Variants in MFHAS1 observed in about 807,000 individuals in gnomAD.
MFHAS1 encodes the protein malignant fibrous histiocytoma-amplified sequence 1.
A neutral mutation model predicts 70.4 loss-of-function variants in MFHAS1; 50 were observed. That is an observed-to-expected ratio of 0.71 (90% CI 0.57 to 0.90). The LOEUF (loss-of-function observed/expected upper bound fraction) is 0.90, where lower values mean the gene tolerates loss of function less well. Among genes scored for constraint, MFHAS1 ranks in the 40% least tolerant of loss-of-function variants. The pLI is 0.00. For synonymous variants in MFHAS1, 952 were observed against 620.0 expected (o/e 1.54, Z -7.96); for missense variants, 1,795 against 1,347.6 (o/e 1.33, Z -5.20).
intron 1 of MFHAS1, among the ~76,000 whole-genome samples, chr8:8,868,483 C>G (rs1429332402): frequency 6.6e-6 from 1 of 151,370 alleles, no homozygotes; most frequent in African/African-American, 2.4e-5. Context: ...ACACTGGAAC[C>G]AGCCCTTGGT....
intron 1 of MFHAS1, among the ~76,000 whole-genome samples, chr8:8,875,330 G>T (rs898265946): frequency 9.2e-5 from 14 of 152,022 alleles, no homozygotes; most frequent in African/African-American, 3.4e-4. Flanking sequence ...AGAACACAAG[G>T]TTAAATAAAC....
chr8:8,843,109 CA>C (rs950537812), intron 1 of MFHAS1, among the ~76,000 whole-genome samples: 3 of 143,084 alleles, frequency 2.1e-5, no homozygotes, highest in African/African-American at 5.2e-5. Flanking sequence ...ACTAAAAATA[CA>C]AAAAAAAAAT....
intron 1 of MFHAS1, among the ~76,000 whole-genome samples, chr8:8,812,550 T>C (rs1229715214): frequency 2.6e-5 from 4 of 152,208 alleles, no homozygotes; most frequent in Non-Finnish European, 4.4e-5. Flanking sequence ...CTGTCCTTTG[T>C]TGCCTGATGC....
intron 1 of MFHAS1, among the ~76,000 whole-genome samples, chr8:8,880,722 T>C (rs1470598659): frequency 6.6e-6 from 1 of 151,312 alleles, no homozygotes; most frequent in Non-Finnish European, 1.5e-5. Flanking sequence ...TCTTGTTTTG[T>C]CGCCCAGGTT....
rs1338235151 is a variant in MFHAS1 at position 8,841,308 on chromosome 8, C to G, written c.2999-43817G>C. ...TGGCCAACATAGTGAAACCCCATCTCTACTAAAAATACAAAAATGAGCTGG... is the reference window on the plus strand; with the variant it reads ...TGGCCAACATAGTGAAACCCCATCTGTACTAAAAATACAAAAATGAGCTGG... On this transcript the variant is annotated intron_variant, in intron 1 of 2. Transcript: ENST00000276282. Among the ~76,000 whole-genome samples the G allele has an allele frequency of 3.9e-5, 6 of 151,982 alleles. No homozygotes were observed. In the East Asian group the frequency reaches 7.7e-4, roughly 20 times the overall value.
At position 8,857,868 on chromosome 8, in the gene MFHAS1, G is replaced by A. The variant is rs190979495; in HGVS notation, c.2998+32193C>T. Among the ~76,000 whole-genome samples the A allele has an allele frequency of 1.2e-4, 19 of 152,326 alleles. No homozygotes were observed. The South Asian group carries it at 3.3e-3, about 27-fold the overall frequency. ...TAAAATACCTAAAGCAAGTTTCCCTGTAGAGTTGGGCAAATTCCATATGCT... is the reference window on the plus strand; with the variant it reads ...TAAAATACCTAAAGCAAGTTTCCCTATAGAGTTGGGCAAATTCCATATGCT... On this transcript the variant is annotated intron_variant, in intron 1 of 2. Transcript: ENST00000276282.
intron 1 of MFHAS1, among the ~76,000 whole-genome samples, chr8:8,858,862 C>T (rs536391107): frequency 4.8e-4 from 73 of 152,104 alleles, no homozygotes; most frequent in Non-Finnish European, 8.4e-4. Context: ...TGAAAATATC[C>T]GTAACAACAA....
intron 1 of MFHAS1, among the ~76,000 whole-genome samples, chr8:8,815,789 A>G (rs1042121588): frequency 4.6e-5 from 7 of 152,220 alleles, no homozygotes; most frequent in Non-Finnish European, 8.8e-5. Flanking sequence ...TTACCCAGCT[A>G]TGCCGCTCCT....
At chr8:8,815,292 G>C (rs1466184015) in intron 1 of MFHAS1, among the ~76,000 whole-genome samples, 1 of 152,102 alleles carries the variant, frequency 6.6e-6, no homozygotes, top group Non-Finnish European at 1.5e-5. Flanking sequence ...TTGATTCCAC[G>C]TCTTTGTTAT....
intron 1 of MFHAS1, among the ~76,000 whole-genome samples, chr8:8,833,509 G>C (rs1407095088): frequency 6.6e-6 from 1 of 152,038 alleles, no homozygotes; most frequent in African/African-American, 2.4e-5. Flanking sequence ...CATGCCTGAA[G>C]TCTCAGCTAC....
chr8:8,892,495 C>T lies in MFHAS1; in HGVS notation c.564G>A (p.Val188=), dbSNP rs144903843. ...GGAAGGCAGTGAGCTGGTTGTGATCCACGTCCAGGGTGCGCAGGCGGGAGA... is the reference window on the plus strand; with the variant it reads ...GGAAGGCAGTGAGCTGGTTGTGATCTACGTCCAGGGTGCGCAGGCGGGAGA... ...SCLSRLRTLD[V]DHNQLTAFPR... is the part of the protein sequence containing the mutation. The change falls in exon 1 of 3, where the codon GTG becomes GTA. Residue 188 remains valine (V), a synonymous_variant. Coordinates refer to ENST00000276282, the MANE Select transcript of MFHAS1 (RefSeq NM_004225.3). This position sits in a 1 kb window ranked among gnomAD's most constrained non-coding sequence, Gnocchi z 4.7. 230 of 1,605,228 alleles carry T rather than the reference C, an allele frequency of 1.4e-4. 4 individuals carry two copies. In the South Asian group the frequency reaches 2.4e-3, roughly 17 times the overall value.
intron 1 of MFHAS1, among the ~76,000 whole-genome samples, chr8:8,818,895 C>T (rs1263197689): frequency 6.6e-6 from 1 of 152,190 alleles, no homozygotes; most frequent in Non-Finnish European, 1.5e-5. Flanking sequence ...TCACATGTTT[C>T]TGAAGGAAGT....
intron 1 of MFHAS1, among the ~76,000 whole-genome samples, chr8:8,818,775 C>T (rs1463197539): frequency 6.6e-6 from 1 of 152,226 alleles, no homozygotes; most frequent in Non-Finnish European, 1.5e-5. Flanking sequence ...AGAGAAGCAA[C>T]TGCAAGGGCC....
intron 1 of MFHAS1, among the ~76,000 whole-genome samples, chr8:8,822,531 G>C (rs1308269616): frequency 6.6e-6 from 1 of 150,890 alleles, no homozygotes; most frequent in African/African-American, 2.4e-5. Context: ...TCACGTCAGG[G>C]GGATTGAGAT....
intron 1 of MFHAS1, among the ~76,000 whole-genome samples, chr8:8,859,418 T>C (rs567057691): frequency 2.6e-5 from 4 of 152,304 alleles, no homozygotes; most frequent in South Asian, 2.1e-4. Context: ...TACACTAAGA[T>C]ACTTGGTGCT....
intron 1 of MFHAS1, among the ~76,000 whole-genome samples, chr8:8,830,782 G>A (rs1399212142): frequency 2.0e-5 from 3 of 152,100 alleles, no homozygotes; most frequent in Admixed American, 6.5e-5. Flanking sequence ...ATTTTTAGTA[G>A]AGGCGGAGTT....
At chr8:8,842,178 T>G (rs1585046486) in intron 1 of MFHAS1, among the ~76,000 whole-genome samples, 1 of 151,582 alleles carries the variant, frequency 6.6e-6, no homozygotes, top group East Asian at 1.9e-4. Flanking sequence ...ACTTCACAGG[T>G]CTGATTTTCT....
At chr8:8,838,378 G>C (rs144993131) in intron 1 of MFHAS1, among the ~76,000 whole-genome samples, 1 of 152,024 alleles carries the variant, frequency 6.6e-6, no homozygotes. Context: ...AGTTAAAATG[G>C]TACATTTTAT....
chr8:8,835,608 A>T (rs1807568938), intron 1 of MFHAS1, among the ~76,000 whole-genome samples: 1 of 152,214 alleles, frequency 6.6e-6, no homozygotes, highest in Non-Finnish European at 1.5e-5. Context: ...TCAACAACTT[A>T]ATTTTCAGCA....
Sources: gnomAD v4.1 joint callset for allele counts (sites outside exome capture counted in the v4.1 genomes callset) on GRCh38, gnomAD v4.1.1 for gene constraint, Gnocchi (gnomAD v3.1) non-coding constraint, MANE v1.5 for transcripts, NCBI Gene and HGNC (gene_info 2026-07-23, HGNC 2026-07-21) for gene names.